Variants in FBXW10 observed in about 807,000 individuals in gnomAD.
FBXW10 encodes the protein F-box and WD repeat domain containing 10.
A neutral mutation model predicts 113.1 loss-of-function variants in FBXW10; 68 were observed. That is an observed-to-expected ratio of 0.60 (90% CI 0.49 to 0.74). The LOEUF (loss-of-function observed/expected upper bound fraction) is 0.74, where lower values mean the gene tolerates loss of function less well. FBXW10 is among the 30% of genes least tolerant of loss of function. FBXW10 has a pLI of 0.00. For synonymous variants in FBXW10, 289 were observed against 481.6 expected (o/e 0.60, Z 5.24); for missense variants, 753 against 1,284.5 (o/e 0.59, Z 6.32).
intron 1 of FBXW10, 76 bp from the exon 2 acceptor site, chr17:18,747,863 GAA>G (rs2035068442): frequency 1.9e-6 from 3 of 1,596,570 alleles, no homozygotes; most frequent in Non-Finnish European, 2.6e-6. Context: ...AAGAAAAAAT[GAA>G]AAAGTTTCTC....
At position 18,769,992 on chromosome 17, in the gene FBXW10, G is replaced by C. The variant is rs143215236; in HGVS notation, c.1913G>C (p.Arg638Pro). ...VISACADGKI[R>P]IYNFLNGNCM... ...AGCGCCTGTGCAGATGGCAAGATCC[G>C]AATTTACAATTTCCTCAACGGGAAC... Residue 638 changes from arginine to proline, a missense_variant, in exon 11 of 14, where the codon CGA (arginine) becomes CCA (proline). Physicochemically the swap from Arg to Pro is moderately radical, Grantham distance 103. Coordinates refer to ENST00000395665, the MANE Select transcript of FBXW10 (RefSeq NM_001267585.2). The C allele has an allele frequency of 1.9e-6, 3 of 1,614,030 alleles. 1 individual carries two copies. The highest frequency in any genetic ancestry group is 2.5e-6 in the Non-Finnish European group (3 of 1,180,036).
At chr17:18,765,868 A>G (rs999370584) in intron 8 of FBXW10, among the ~76,000 whole-genome samples, 2 of 151,462 alleles carry the variant, frequency 1.3e-5, no homozygotes, top group Non-Finnish European at 2.9e-5. Flanking sequence ...CTGGGACTAC[A>G]GTCGCACGCC....
chr17:18,768,946 T>C (rs2035556750), intron 10 of FBXW10, among the ~76,000 whole-genome samples: 1 of 146,798 alleles, frequency 6.8e-6, no homozygotes, highest in Non-Finnish European at 1.5e-5. Context: ...TTTTTTTTTT[T>C]TTTTTTTTGA....
At chr17:18,770,190 G>A (rs1374328270) in intron 11 of FBXW10, 105 bp downstream of exon 11, 20 of 1,545,746 alleles carry the variant, frequency 1.3e-5, no homozygotes, top group Non-Finnish European at 1.7e-5. Flanking sequence ...CAGGAGGAGA[G>A]AGTGTGCAAT....
chr17:18,754,279 G>T (rs528839933), intron 5 of FBXW10, among the ~76,000 whole-genome samples: 1 of 152,248 alleles, frequency 6.6e-6, no homozygotes, highest in African/African-American at 2.4e-5. Flanking sequence ...AAGGGCCAAT[G>T]AATTCTCACC....
intron 6 of FBXW10, among the ~76,000 whole-genome samples, chr17:18,757,147 CAT>C (rs2035282489): frequency 6.6e-6 from 1 of 152,036 alleles, no homozygotes; most frequent in African/African-American, 2.4e-5. Context: ...TACACACACA[CAT>C]ATATATGTAG....
At chr17:18,747,104 T>C (rs1328903959) in intron 1 of FBXW10, among the ~76,000 whole-genome samples, 1 of 151,976 alleles carries the variant, frequency 6.6e-6, no homozygotes, top group African/African-American at 2.4e-5. Flanking sequence ...TTTTTTGTAT[T>C]TCTAATAGAG....
At chr17:18,757,853 A>G (rs1019113925) in intron 6 of FBXW10, among the ~76,000 whole-genome samples, 1 of 152,228 alleles carries the variant, frequency 6.6e-6, no homozygotes, top group Non-Finnish European at 1.5e-5. Flanking sequence ...TGTGGTATCT[A>G]CTAGCACAGG....
At chr17:18,757,753 T>C (rs1400368066) in intron 6 of FBXW10, among the ~76,000 whole-genome samples, 4 of 152,272 alleles carry the variant, frequency 2.6e-5, no homozygotes, top group African/African-American at 9.6e-5. Flanking sequence ...AATAATCCTA[T>C]GATTGAAAGA....
chr17:18,750,520 T>C (rs1197181862), intron 4 of FBXW10, among the ~76,000 whole-genome samples: 35 of 152,000 alleles, frequency 2.3e-4, no homozygotes, highest in African/African-American at 7.5e-4. Flanking sequence ...CTGCAAAGTT[T>C]TTTTTTAAGT....
intron 2 of FBXW10, among the ~76,000 whole-genome samples, chr17:18,748,685 A>G (rs542791296): frequency 3.1e-4 from 47 of 152,318 alleles, no homozygotes; most frequent in African/African-American, 1.1e-3. Flanking sequence ...CACAAGACAC[A>G]TCTGAAGATA....
chr17:18,770,999 C>T (rs1378056352), intron 11 of FBXW10, among the ~76,000 whole-genome samples: 1 of 151,978 alleles, frequency 6.6e-6, no homozygotes, highest in East Asian at 1.9e-4. Context: ...TGTCCCTAAA[C>T]CATATTGCCT....
At chr17:18,746,693 G>A (rs998969156) in intron 1 of FBXW10, among the ~76,000 whole-genome samples, 1 of 152,102 alleles carries the variant, frequency 6.6e-6, no homozygotes, top group African/African-American at 2.4e-5. Context: ...CCAAAGTCCA[G>A]GGCATCTGAC....
rs1482433659 is a variant in FBXW10, at chr17:18,744,288, G to A, written c.44G>A (p.Arg15His). Residue 15 changes from arginine (R) to histidine (H), a missense_variant, in exon 1 of 14, where the codon CGT becomes CAT. By Grantham distance (29) the Arg-to-His change is conservative (BLOSUM62 0). Transcript: ENST00000395665. ...ESRLKNAPYF[R>H]CEKGTDSIPL... The stretch of plus-strand genomic sequence containing the variant: ...AGGCTCAAGAATGCCCCCTATTTTC[G>A]TTGTGAGAAGGGAACCGATTCCATC... 8 of 1,611,876 alleles carry A rather than the reference G, an allele frequency of 5.0e-6. No individual in the cohort carries two copies. Among genetic ancestry groups the A allele is most frequent in the Non-Finnish European group, 6.8e-6 (8 of 1,179,322 alleles).
intron 6 of FBXW10, 111 bp downstream of exon 6, chr17:18,756,265 C>G: frequency 3.3e-6 from 3 of 911,802 alleles, no homozygotes; most frequent in Non-Finnish European, 5.2e-6. Context: ...CTCCTCACCT[C>G]AAGCTCCAGC....
chr17:18,744,897 T>G (rs1248361074), intron 1 of FBXW10, 148 bp downstream of exon 1: 1 of 1,472,938 alleles, frequency 6.8e-7, no homozygotes, highest in Admixed American at 2.7e-5. Context: ...TGACACCTTG[T>G]CCTGACACCC....
At chr17:18,777,067 T>G (rs1221980805) in intron 13 of FBXW10, among the ~76,000 whole-genome samples, 2 of 149,978 alleles carry the variant, frequency 1.3e-5, no homozygotes, top group Non-Finnish European at 3.0e-5. Flanking sequence ...ACTCAGTTTT[T>G]TTTTTTTTTT....
rs141000193 is a variant in FBXW10 at position 18,750,911 on chromosome 17, T to A, written c.1000-20T>A. ...ATTTTCTGTTTTTATTTTTATTTTT[T>A]ATTTTTTGTCTTTTTCCAGGGGTCC... On this transcript the variant is annotated intron_variant, in intron 4 of 13. Transcript: ENST00000395665. 529 of 1,606,666 alleles carry A rather than the reference T, an allele frequency of 3.3e-4. 6 individuals are homozygous for A. The East Asian group carries it at 0.012, about 35-fold the overall frequency.
intron 12 of FBXW10, 45 bp downstream of exon 12, chr17:18,772,728 C>T (rs1567625649): frequency 1.9e-6 from 3 of 1,561,408 alleles, no homozygotes; most frequent in Non-Finnish European, 2.6e-6. Context: ...ACCCACAGAG[C>T]AGGTCGGGGT....
Sources: allele counts gnomAD v4.1 joint callset (sites outside exome capture counted in the v4.1 genomes callset), GRCh38; gene constraint gnomAD v4.1.1; transcripts MANE v1.5; gene names NCBI Gene and HGNC (gene_info 2026-07-23, HGNC 2026-07-21).